RASGEF1A: variants seen among roughly 807,000 people sequenced by gnomAD.
The protein encoded by RASGEF1A is ras-GEF domain-containing family member 1A.
In RASGEF1A, 18 loss-of-function variants were observed where a neutral mutation model predicts 56.4. The observed-to-expected ratio is 0.32, with a 90% CI of 0.22 to 0.47. The LOEUF is 0.47. Among genes scored for constraint, RASGEF1A ranks in the 20% least tolerant of loss-of-function variants. The pLI, the probability that RASGEF1A is intolerant of heterozygous loss-of-function variation, is 1.00. For synonymous variants in RASGEF1A, 245 were observed against 242.6 expected (o/e 1.01, Z -0.09); for missense variants, 422 against 627.1 (o/e 0.67, Z 3.49).
intron 1 of RASGEF1A, among the ~76,000 whole-genome samples, chr10:43,249,426 G>A (rs1840602051): frequency 6.6e-6 from 1 of 152,262 alleles, no homozygotes; most frequent in African/African-American, 2.4e-5. Context: ...CCTGGGGGAA[G>A]GGGGTTCTGT....
At position 43,196,024 on chromosome 10, in the gene RASGEF1A, C is replaced by T. The variant is rs921803945; in HGVS notation, c.*220G>A. On this transcript the variant is annotated 3_prime_UTR_variant, in exon 13 of 13. Transcript: ENST00000395810. The surrounding 1 kb of genome is among the most constrained non-coding windows in gnomAD (Gnocchi z 4.6). ...ATCTCCCATGATACTCTCCCCTCCC[C>T]CTCCCCAAAGCAGGGCCCTGCCCTG... is the stretch of plus-strand genomic sequence containing the variant. 2.7e-5 allele frequency: 11 copies of T among 414,424 alleles called. No homozygotes were observed. The highest frequency in any genetic ancestry group is 1.8e-4 in the African/African-American group (9 of 49,642). The allele number at this position is 414,424 out of a possible 1,614,324, so 25.7% of individuals were successfully genotyped here. A position where few individuals can be genotyped will look rare whatever the true frequency, so the allele number is the denominator to read the frequency against.
intron 1 of RASGEF1A, among the ~76,000 whole-genome samples, chr10:43,224,380 A>C (rs2133204617): frequency 6.6e-6 from 1 of 152,348 alleles, no homozygotes; most frequent in Non-Finnish European, 1.5e-5. Flanking sequence ...ACATCAGTAA[A>C]ATGAACTCAG....
Position 43,212,094 on chromosome 10 carries a change from G to A in RASGEF1A, c.-6-5972C>T, listed in dbSNP as rs572770865. On this transcript the variant is annotated intron_variant, in intron 1 of 12. Transcript: ENST00000395810. The stretch of plus-strand genomic sequence containing the variant: ...TAGGGCCATGGGCACACACCACACC[G>A]CCAGCCCTGGGAGAGGTTGGGGCTG... 2.4e-3 allele frequency among the ~76,000 whole-genome samples: 367 copies of A among 152,292 alleles called. 1 individual carries two copies. Among genetic ancestry groups the A allele is most frequent in the Admixed American group, 2.9e-3 (44 of 15,304 alleles).
At chr10:43,224,527 T>C (rs1471174736) in intron 1 of RASGEF1A, among the ~76,000 whole-genome samples, 2 of 152,218 alleles carry the variant, frequency 1.3e-5, no homozygotes, top group South Asian at 2.1e-4. Context: ...TTTTGCTAGA[T>C]ATAGGAAAGC....
rs761540464 is a variant in RASGEF1A, at chr10:43,198,936, C to T, written c.1029G>A (p.Leu343=). Residue 343 remains leucine (L), a synonymous_variant, in exon 9 of 13, where the codon TTG becomes TTA. Coordinates refer to ENST00000395810, the MANE Select transcript of RASGEF1A (RefSeq NM_145313.4). ...GTGACGGGGCTCAGGTGCCTACCTC[C>T]AAGACATCAAACTTGGCTGTCTTGA... ...SKVKTAKFDV[L]EHHMDPSSNF... The T allele has an allele frequency of 1.2e-6, 2 of 1,611,302 alleles. No homozygotes were observed. Among genetic ancestry groups the T allele is most frequent in the African/African-American group, 2.7e-5 (2 of 74,758 alleles).
intron 1 of RASGEF1A, among the ~76,000 whole-genome samples, chr10:43,219,066 C>T (rs191657029): frequency 3.1e-3 from 467 of 152,318 alleles, no homozygotes; most frequent in Non-Finnish European, 5.4e-3. Context: ...ATTCTTGAGA[C>T]TCAAGAGGCC....
intron 2 of RASGEF1A, among the ~76,000 whole-genome samples, chr10:43,205,202 T>G (rs1159007372): frequency 6.6e-6 from 1 of 152,130 alleles, no homozygotes; most frequent in Non-Finnish European, 1.5e-5. Flanking sequence ...GATAGCATGA[T>G]GCGGGCAGGA....
chr10:43,212,941 C>T (rs1159299554), intron 1 of RASGEF1A, among the ~76,000 whole-genome samples: 1 of 152,194 alleles, frequency 6.6e-6, no homozygotes, highest in Admixed American at 6.5e-5. Flanking sequence ...ATACACTGTG[C>T]CAATCACACA....
intron 1 of RASGEF1A, among the ~76,000 whole-genome samples, chr10:43,243,455 G>A (rs1247254438): frequency 6.8e-6 from 1 of 147,084 alleles, no homozygotes. Flanking sequence ...ACCCCGCCTG[G>A]GAAGTGAGGG....
chr10:43,263,650 C>T (rs973411223), intron 1 of RASGEF1A, among the ~76,000 whole-genome samples: 3 of 152,148 alleles, frequency 2.0e-5, no homozygotes, highest in African/African-American at 4.8e-5. Context: ...TGCTGGCTGC[C>T]CTGGGCAGCA....
intron 1 of RASGEF1A, among the ~76,000 whole-genome samples, chr10:43,265,068 C>A (rs115089575): frequency 0.012 from 1,837 of 152,312 alleles, 41 homozygotes; most frequent in African/African-American, 0.042. Context: ...GCCCCTCCCA[C>A]CGCTGGGGGC....
chr10:43,265,317 G>T (rs1836604077), intron 1 of RASGEF1A, among the ~76,000 whole-genome samples: 1 of 152,242 alleles, frequency 6.6e-6, no homozygotes, highest in African/African-American at 2.4e-5. Flanking sequence ...AGGCACACCT[G>T]GGATACCTGC....
chr10:43,198,857 C>T, intron 9 of RASGEF1A, 76 bp downstream of exon 9: 1 of 1,375,240 alleles, frequency 7.3e-7, no homozygotes. Flanking sequence ...CCCACCCCCA[C>T]TGTCAGGGCC....
intron 1 of RASGEF1A, among the ~76,000 whole-genome samples, chr10:43,227,897 A>T (rs1840302917): frequency 6.6e-6 from 1 of 152,138 alleles, no homozygotes; most frequent in African/African-American, 2.4e-5. Context: ...TGTTGCCTTC[A>T]GAATACCCCC....
intron 1 of RASGEF1A, among the ~76,000 whole-genome samples, chr10:43,254,392 C>T (rs575261875): frequency 1.3e-5 from 2 of 152,338 alleles, no homozygotes; most frequent in East Asian, 1.9e-4. Flanking sequence ...GCTGAGGGCA[C>T]GGGTTTCCTA....
intron 1 of RASGEF1A, among the ~76,000 whole-genome samples, chr10:43,262,250 G>A (rs550226670): frequency 1.6e-3 from 247 of 152,204 alleles, no homozygotes; most frequent in African/African-American, 5.4e-3. Flanking sequence ...CCTCCTCCAC[G>A]GAAGCTACTC....
rs561673118 is a variant in RASGEF1A, at chr10:43,212,658, C to T, written c.-6-6536G>A. Among the ~76,000 whole-genome samples, 15 of 152,338 alleles carry T rather than the reference C, an allele frequency of 9.8e-5. No individual in the cohort carries two copies. The East Asian group carries it at 2.5e-3, about 26-fold the overall frequency. ...CCAGCACAAGTGCTCACACGCAGGG[C>T]GTGCTTCAGTGCAAGTGAACACTGC... On this transcript the variant is annotated intron_variant, in intron 1 of 12. Transcript: ENST00000395810.
intron 1 of RASGEF1A, among the ~76,000 whole-genome samples, chr10:43,259,067 C>A (rs997150361): frequency 2.0e-5 from 3 of 152,242 alleles, no homozygotes; most frequent in African/African-American, 7.2e-5. Context: ...TCAGTCAGTC[C>A]TTCCCTGGAC....
Position 43,198,964 on chromosome 10 carries a change from T to C in RASGEF1A, c.1001A>G (p.Lys334Arg). 2 of 1,613,696 alleles carry C rather than the reference T, an allele frequency of 1.2e-6. No individual in the cohort carries two copies. The highest frequency in any genetic ancestry group is 1.7e-6 in the Non-Finnish European group (2 of 1,180,006). ...PVARLKKTWS[K>R]VKTAKFDVLE... Reference sequence around the variant, plus strand: ...GACATCAAACTTGGCTGTCTTGACCTTGGACCAAGTTTTCTTCAGCCTTGC... The same window carrying C: ...GACATCAAACTTGGCTGTCTTGACCCTGGACCAAGTTTTCTTCAGCCTTGC... The change falls in exon 9 of 13, where the codon AAG (lysine) becomes AGG (arginine). Residue 334 changes from lysine to arginine, a missense_variant. This residue lies in a region of RASGEF1A where 149 missense variants were observed against 287.2 expected (regional missense o/e 0.52). Transcript: ENST00000395810.
Sources: allele counts gnomAD v4.1 joint callset (sites outside exome capture counted in the v4.1 genomes callset), GRCh38; gene constraint gnomAD v4.1.1; regional missense constraint gnomAD v4.1.1; non-coding constraint Gnocchi (gnomAD v3.1); transcripts MANE v1.5; gene names NCBI Gene and HGNC (gene_info 2026-07-23, HGNC 2026-07-21).